CSMD3: variants seen among roughly 807,000 people sequenced by gnomAD.
The protein encoded by CSMD3 is CUB and sushi domain-containing protein 3.
In CSMD3, 177 loss-of-function variants were observed where a neutral mutation model predicts 435.2. That is an observed-to-expected ratio of 0.41 (90% confidence interval 0.36 to 0.46). The LOEUF (loss-of-function observed/expected upper bound fraction) is 0.46. Ranked by LOEUF, CSMD3 falls within the 20% of genes least tolerant of loss-of-function variation. The pLI, the probability that CSMD3 is intolerant of heterozygous loss-of-function variation, is 0.34. For synonymous variants in CSMD3, 1,656 were observed against 1,520.5 expected (o/e 1.09, Z -2.07); for missense variants, 4,265 against 4,504.6 (o/e 0.95, Z 1.52).
intron 1 of CSMD3, among the ~76,000 whole-genome samples, chr8:113,329,178 GCTA>G (rs2094007911): frequency 7.1e-6 from 1 of 140,762 alleles, no homozygotes; most frequent in African/African-American, 2.6e-5. Context: ...TTTTAAGTTA[GCTA>G]CTACAAGTAT....
intron 3 of CSMD3, among the ~76,000 whole-genome samples, chr8:113,239,055 C>A (rs1032582420): frequency 6.6e-6 from 1 of 152,176 alleles, no homozygotes; most frequent in Non-Finnish European, 1.5e-5. Flanking sequence ...AAAAGTCTCA[C>A]CTTCCCCCTA....
chr8:112,741,831 C>G (rs1053726929), intron 13 of CSMD3, among the ~76,000 whole-genome samples: 2 of 108,908 alleles, frequency 1.8e-5, no homozygotes, highest in African/African-American at 7.5e-5. Context: ...ATAGATAACA[C>G]AAAAAGTTGA....
At chr8:112,450,534 T>C (rs1816140902) in intron 32 of CSMD3, among the ~76,000 whole-genome samples, 1 of 152,184 alleles carries the variant, frequency 6.6e-6, no homozygotes, top group Non-Finnish European at 1.5e-5. Flanking sequence ...CATCAGTATC[T>C]TCTAAGGGTG....
intron 1 of CSMD3, among the ~76,000 whole-genome samples, chr8:113,358,428 C>G (rs1009151668): frequency 6.6e-6 from 1 of 152,152 alleles, no homozygotes; most frequent in African/African-American, 2.4e-5. Context: ...TCTCAGCTAA[C>G]TGCAACCTCC....
intron 20 of CSMD3, among the ~76,000 whole-genome samples, chr8:112,644,724 C>T (rs1210769594): frequency 6.6e-6 from 1 of 151,960 alleles, no homozygotes; most frequent in Non-Finnish European, 1.5e-5. Flanking sequence ...ATACTAGTTG[C>T]TTTAAAAATT....
At chr8:113,002,159 G>A (rs564182199) in intron 6 of CSMD3, among the ~76,000 whole-genome samples, 2 of 152,166 alleles carry the variant, frequency 1.3e-5, no homozygotes, top group African/African-American at 2.4e-5. Flanking sequence ...GAGACAATGT[G>A]CAAATTTCCT....
chr8:112,612,636 A>C (rs1423157005), intron 22 of CSMD3, among the ~76,000 whole-genome samples: 2 of 151,990 alleles, frequency 1.3e-5, no homozygotes, highest in Non-Finnish European at 2.9e-5. Flanking sequence ...AAAAAGAAAA[A>C]CATTGTGATC....
Position 112,685,717 on chromosome 8 carries a change from T to C in CSMD3, c.2171A>G (p.Asn724Ser), listed in dbSNP as rs2131806181. ...AACTGTTCCCATTGGTGCAGTAAAG[T>C]TAGACAGGCAGGGAACTGGTGAAAC... ...IPICIFPCLS[N>S]FTAPMGTVLS... The change falls in exon 15 of 71, where the codon AAC becomes AGC. Residue 724 changes from asparagine to serine, a missense_variant. Transcript: ENST00000297405. 2 of 1,608,748 alleles carry C rather than the reference T, an allele frequency of 1.2e-6. No individual in the cohort carries two copies. The highest frequency in any genetic ancestry group is 1.1e-5 in the South Asian group (1 of 90,910).
chr8:113,004,119 A>T (rs1247072484), intron 6 of CSMD3, among the ~76,000 whole-genome samples: 2 of 152,046 alleles, frequency 1.3e-5, no homozygotes, highest in African/African-American at 4.8e-5. Flanking sequence ...GTTTTCTATG[A>T]AGTTAAAAAT....
At chr8:112,822,015 G>A (rs556400084) in intron 12 of CSMD3, among the ~76,000 whole-genome samples, 1 of 152,248 alleles carries the variant, frequency 6.6e-6, no homozygotes, top group African/African-American at 2.4e-5. Flanking sequence ...CTATATGACT[G>A]TTTTCGTACC....
intron 32 of CSMD3, among the ~76,000 whole-genome samples, chr8:112,467,830 G>C (rs1372736720): frequency 6.6e-6 from 1 of 152,098 alleles, no homozygotes; most frequent in Admixed American, 6.6e-5. Flanking sequence ...GGCTTGCTGG[G>C]AGTCACCAGA....
At chr8:113,168,116 A>G (rs954367984) in intron 4 of CSMD3, among the ~76,000 whole-genome samples, 1 of 152,092 alleles carries the variant, frequency 6.6e-6, no homozygotes, top group Non-Finnish European at 1.5e-5. Context: ...GTTACCACTG[A>G]CGCTACTCTC....
chr8:112,734,935 A>G (rs1317725593), intron 13 of CSMD3, among the ~76,000 whole-genome samples: 2 of 152,010 alleles, frequency 1.3e-5, no homozygotes, highest in African/African-American at 4.8e-5. Context: ...AAGGCTGCAC[A>G]GGGAAAGGTG....
chr8:113,069,476 A>C (rs1470120818), intron 5 of CSMD3, among the ~76,000 whole-genome samples: 1 of 152,070 alleles, frequency 6.6e-6, no homozygotes, highest in Non-Finnish European at 1.5e-5. Context: ...TGGATAGATA[A>C]TTTAAAGTAA....
intron 45 of CSMD3, among the ~76,000 whole-genome samples, chr8:112,333,212 C>T (rs555874777): frequency 2.0e-4 from 30 of 152,196 alleles, no homozygotes; most frequent in East Asian, 7.7e-4. Flanking sequence ...TTGTTGCCCA[C>T]GCTGGAGTGC....
At chr8:112,910,326 T>A (rs530005468) in intron 10 of CSMD3, among the ~76,000 whole-genome samples, 2 of 151,810 alleles carry the variant, frequency 1.3e-5, no homozygotes, top group South Asian at 2.1e-4. Flanking sequence ...TTCATAAAAA[T>A]TTCAGTTTCA....
intron 31 of CSMD3, among the ~76,000 whole-genome samples, chr8:112,488,108 C>T (rs907677157): frequency 5.9e-5 from 9 of 152,102 alleles, no homozygotes; most frequent in African/African-American, 2.2e-4. Flanking sequence ...CCACAGGATG[C>T]AATCATTTTG....
intron 56 of CSMD3, 66 bp downstream of exon 56, chr8:112,291,444 A>G (rs1416675828): frequency 3.8e-6 from 4 of 1,064,478 alleles, no homozygotes; most frequent in South Asian, 1.3e-5. Context: ...CATTTTATAA[A>G]GATGATAAAC....
intron 10 of CSMD3, among the ~76,000 whole-genome samples, chr8:112,899,537 T>C (rs1160867493): frequency 7.0e-6 from 1 of 143,322 alleles, no homozygotes; most frequent in African/African-American, 2.5e-5. Context: ...TATAGAAATA[T>C]ACTATATATA....
Sources: gnomAD v4.1 joint callset for allele counts (sites outside exome capture counted in the v4.1 genomes callset) on GRCh38, gnomAD v4.1.1 for gene constraint, MANE v1.5 for transcripts, NCBI Gene and HGNC (gene_info 2026-07-23, HGNC 2026-07-21) for gene names.